CACNA2D3: variants seen among roughly 807,000 people sequenced by gnomAD.
The protein encoded by CACNA2D3 is voltage-dependent calcium channel subunit alpha-2/delta-3.
In CACNA2D3, 60 loss-of-function variants were observed where a neutral mutation model predicts 160.6. That is an observed-to-expected ratio of 0.37 (90% CI 0.30 to 0.46). The LOEUF (loss-of-function observed/expected upper bound fraction) is 0.46, where lower values mean the gene tolerates loss of function less well. Among genes scored for constraint, CACNA2D3 ranks in the 20% least tolerant of loss-of-function variants. CACNA2D3 has a pLI of 1.00. For synonymous variants in CACNA2D3, 558 were observed against 492.9 expected (o/e 1.13, Z -1.75); for missense variants, 1,205 against 1,365.0 (o/e 0.88, Z 1.85).
chr3:54,387,278 G>A (rs1699204428), intron 4 of CACNA2D3, among the ~76,000 whole-genome samples: 1 of 152,194 alleles, frequency 6.6e-6, no homozygotes, highest in South Asian at 2.1e-4. Flanking sequence ...ATCCTGACAT[G>A]ACTATGTCTG....
chr3:54,838,630 G>C lies in CACNA2D3; in HGVS notation c.1533G>C (p.Lys511Asn). ...ATGTCCCAGTGAAAGAACTTCTGAA[G>C]ACCATCCCCAAATACAAGGTAATGA... is the stretch of plus-strand genomic sequence containing the variant. The part of the protein sequence containing the change: ...GTDVPVKELL[K>N]TIPKYKLGIH... Residue 511 changes from lysine to asparagine, a missense_variant, in exon 16 of 38, where the codon AAG becomes AAC. Lys to Asn is a moderately conservative substitution (Grantham distance 94). Transcript: ENST00000474759. 1 of 1,612,436 alleles carries C rather than the reference G, an allele frequency of 6.2e-7. No individual in the cohort carries two copies.
chr3:54,481,426 T>C (rs1700930295), intron 4 of CACNA2D3, among the ~76,000 whole-genome samples: 1 of 152,186 alleles, frequency 6.6e-6, no homozygotes. Flanking sequence ...GTGGCTAATA[T>C]TCCACAATGG....
intron 9 of CACNA2D3, among the ~76,000 whole-genome samples, chr3:54,598,055 C>T (rs1465097905): frequency 6.6e-6 from 1 of 151,452 alleles, no homozygotes; most frequent in African/African-American, 2.4e-5. Context: ...TTTGGGAAGC[C>T]CAGGTGGGTG....
intron 13 of CACNA2D3, among the ~76,000 whole-genome samples, chr3:54,802,049 A>G (rs1703001883): frequency 6.6e-6 from 1 of 152,170 alleles, no homozygotes; most frequent in African/African-American, 2.4e-5. Flanking sequence ...GTTTGCTTTT[A>G]TTGACCCTGT....
intron 6 of CACNA2D3, among the ~76,000 whole-genome samples, chr3:54,563,422 T>C (rs1702358330): frequency 6.6e-6 from 1 of 152,110 alleles, no homozygotes; most frequent in Non-Finnish European, 1.5e-5. Context: ...GGCCCAGGCG[T>C]CGCTGACGGC....
chr3:54,616,723 T>C (rs1019173258), intron 9 of CACNA2D3, among the ~76,000 whole-genome samples: 2 of 152,214 alleles, frequency 1.3e-5, no homozygotes, highest in African/African-American at 4.8e-5. Flanking sequence ...GCAAAAAAAC[T>C]TTTTTAGAGA....
intron 4 of CACNA2D3, among the ~76,000 whole-genome samples, chr3:54,477,789 T>A (rs145434668): frequency 1.3e-5 from 2 of 152,264 alleles, no homozygotes; most frequent in African/African-American, 2.4e-5. Flanking sequence ...CATTTGACCC[T>A]CTCTGAGGTT....
At chr3:54,972,846 A>G (rs963722040) in intron 29 of CACNA2D3, among the ~76,000 whole-genome samples, 2 of 152,174 alleles carry the variant, frequency 1.3e-5, no homozygotes, top group Non-Finnish European at 2.9e-5. Flanking sequence ...TTAACTTCCA[A>G]GCCATTGAGG....
chr3:54,803,868 T>C (rs1219527768), intron 13 of CACNA2D3, among the ~76,000 whole-genome samples: 2 of 151,980 alleles, frequency 1.3e-5, no homozygotes, highest in African/African-American at 2.4e-5. Context: ...CGGCAGAAAC[T>C]CCACAAGCCA....
At chr3:54,903,633 ACT>A (rs1479639505) in intron 27 of CACNA2D3, among the ~76,000 whole-genome samples, 4 of 152,298 alleles carry the variant, frequency 2.6e-5, no homozygotes, top group Non-Finnish European at 5.9e-5. Context: ...GAATCGCAAC[ACT>A]GTTTTCTACA....
At chr3:54,753,874 A>G (rs1701916206) in intron 12 of CACNA2D3, among the ~76,000 whole-genome samples, 1 of 152,190 alleles carries the variant, frequency 6.6e-6, no homozygotes, top group African/African-American at 2.4e-5. Context: ...TTTATTTGTG[A>G]TGAGAATACC....
At chr3:54,664,778 A>G (rs747491487) in intron 11 of CACNA2D3, among the ~76,000 whole-genome samples, 2 of 152,128 alleles carry the variant, frequency 1.3e-5, no homozygotes, top group Non-Finnish European at 2.9e-5. Context: ...TGCTTTCTCT[A>G]GGAAGTAAGC....
intron 2 of CACNA2D3, among the ~76,000 whole-genome samples, chr3:54,134,967 A>C (rs1039937123): frequency 6.6e-6 from 1 of 152,240 alleles, no homozygotes; most frequent in Non-Finnish European, 1.5e-5. Context: ...AGCCGCCACC[A>C]TCAACCTGGG....
intron 27 of CACNA2D3, among the ~76,000 whole-genome samples, chr3:54,959,458 A>G (rs1243903720): frequency 6.6e-6 from 1 of 152,126 alleles, no homozygotes; most frequent in Non-Finnish European, 1.5e-5. Context: ...GTGCTATTTT[A>G]TATTAAATAA....
intron 10 of CACNA2D3, among the ~76,000 whole-genome samples, chr3:54,640,612 G>T (rs773751548): frequency 6.6e-6 from 1 of 152,090 alleles, no homozygotes; most frequent in Non-Finnish European, 1.5e-5. Flanking sequence ...ACCAGTGAGC[G>T]CAATCTTAGA....
chr3:54,647,909 G>A (rs747056023), intron 11 of CACNA2D3, among the ~76,000 whole-genome samples: 9 of 152,122 alleles, frequency 5.9e-5, no homozygotes, highest in Admixed American at 1.3e-4. Flanking sequence ...ATATCCATTG[G>A]TTATGACTTA....
intron 2 of CACNA2D3, among the ~76,000 whole-genome samples, chr3:54,308,559 G>A (rs1703659593): frequency 1.3e-5 from 2 of 152,130 alleles, no homozygotes; most frequent in Admixed American, 6.6e-5. Context: ...ACTTCTTCAT[G>A]GATGGTTACA....
At chr3:54,606,221 T>C (rs1191947425) in intron 9 of CACNA2D3, among the ~76,000 whole-genome samples, 1 of 152,164 alleles carries the variant, frequency 6.6e-6, no homozygotes, top group Non-Finnish European at 1.5e-5. Flanking sequence ...TCTTGTTTTA[T>C]ACTTTTCAGG....
rs769225591 is a variant in CACNA2D3 at position 54,642,225 on chromosome 3, A to T, written c.1151A>T (p.Asn384Ile). 1 of 1,610,168 alleles carries T rather than the reference A, an allele frequency of 6.2e-7. No individual in the cohort carries two copies. Among genetic ancestry groups the T allele is most frequent in the Non-Finnish European group, 8.5e-7 (1 of 1,177,718 alleles). The change falls in exon 11 of 38, where the codon AAT (asparagine) becomes ATT (isoleucine). Residue 384 changes from asparagine to isoleucine, a missense_variant. Asn to Ile is a moderately radical substitution (Grantham distance 149). Transcript: ENST00000474759. ...TATGATACAATCTTTGCAAAATACAATTGGCCAGATCGAAAGGTAAGTTGA... is the reference window on the plus strand; with the variant it reads ...TATGATACAATCTTTGCAAAATACATTTGGCCAGATCGAAAGGTAAGTTGA... ...DTYDTIFAKY[N>I]WPDRKVRIFT...
Sources: gnomAD v4.1 joint callset for allele counts (sites outside exome capture counted in the v4.1 genomes callset) on GRCh38, gnomAD v4.1.1 for gene constraint, MANE v1.5 for transcripts, NCBI Gene and HGNC (gene_info 2026-07-23, HGNC 2026-07-21) for gene names.